ST6GALNAC5: variants seen among roughly 807,000 people sequenced by gnomAD.
The protein encoded by ST6GALNAC5 is alpha-N-acetylgalactosaminide alpha-2,6-sialyltransferase 5.
A neutral mutation model predicts 33.6 loss-of-function variants in ST6GALNAC5; 27 were observed. The observed-to-expected ratio is 0.80, with a 90% CI of 0.59 to 1.11. ST6GALNAC5 has a LOEUF of 1.11. Among genes scored for constraint, ST6GALNAC5 ranks in the 50% least tolerant of loss-of-function variants. The pLI is 0.00. For missense variants in ST6GALNAC5, 428 were observed against 454.0 expected, an observed-to-expected ratio of 0.94 and a Z score of 0.52; for synonymous variants, 194 against 171.2, an observed-to-expected ratio of 1.13 and a Z score of -1.04.
At chr1:77,010,729 A>G (rs742681) in intron 2 of ST6GALNAC5, among the ~76,000 whole-genome samples, 120,948 of 152,092 alleles carry the variant, frequency 0.8, 48,927 homozygotes, top group East Asian at 0.93. Context: ...GGACACCCCA[A>G]CACTCTGGAC....
At chr1:76,946,720 A>G (rs908131584) in intron 2 of ST6GALNAC5, among the ~76,000 whole-genome samples, 4 of 152,122 alleles carry the variant, frequency 2.6e-5, no homozygotes, top group African/African-American at 9.7e-5. Context: ...TAATTCACCT[A>G]AGAATTTAAA....
At chr1:76,923,326 G>C (rs772913622) in intron 2 of ST6GALNAC5, among the ~76,000 whole-genome samples, 1 of 151,594 alleles carries the variant, frequency 6.6e-6, no homozygotes, top group African/African-American at 2.4e-5. Flanking sequence ...AGAGAATGGA[G>C]ACTTACAGCC....
At chr1:77,059,046 A>G (rs747739236) in intron 4 of ST6GALNAC5, among the ~76,000 whole-genome samples, 2 of 152,224 alleles carry the variant, frequency 1.3e-5, no homozygotes, top group African/African-American at 4.8e-5. Context: ...TGTTGTTATG[A>G]TATGTATTAT....
At chr1:77,005,248 G>A (rs990745889) in intron 2 of ST6GALNAC5, among the ~76,000 whole-genome samples, 1 of 152,206 alleles carries the variant, frequency 6.6e-6, no homozygotes, top group Non-Finnish European at 1.5e-5. Flanking sequence ...GGAGTGACCC[G>A]ATTTTCCAGG....
At chr1:76,946,152 C>T (rs753994054) in intron 2 of ST6GALNAC5, among the ~76,000 whole-genome samples, 4 of 152,014 alleles carry the variant, frequency 2.6e-5, no homozygotes, top group Non-Finnish European at 5.9e-5. Flanking sequence ...GTATTTTCAG[C>T]ACACCTACCA....
At chr1:77,021,508 A>C (rs1557764312) in intron 2 of ST6GALNAC5, among the ~76,000 whole-genome samples, 1 of 152,126 alleles carries the variant, frequency 6.6e-6, no homozygotes, top group Non-Finnish European at 1.5e-5. Flanking sequence ...ACTTGATGTG[A>C]TATGTGTGTG....
chr1:76,896,868 A>G, intron 2 of ST6GALNAC5, among the ~76,000 whole-genome samples: 1 of 152,300 alleles, frequency 6.6e-6, no homozygotes, highest in African/African-American at 2.4e-5. Context: ...GCATGCAGAC[A>G]TGAGGGCTAG....
intron 2 of ST6GALNAC5, among the ~76,000 whole-genome samples, chr1:76,977,094 TC>T (rs1440962690): frequency 6.6e-6 from 1 of 152,176 alleles, no homozygotes; most frequent in Non-Finnish European, 1.5e-5. Context: ...TCTATATTAA[TC>T]TCTTTCTTCA....
chr1:76,872,923 G>A (rs994884319), intron 2 of ST6GALNAC5, among the ~76,000 whole-genome samples: 1 of 152,166 alleles, frequency 6.6e-6, no homozygotes, highest in African/African-American at 2.4e-5. Context: ...TTGCAATAAT[G>A]TAGTCACTTT....
intron 2 of ST6GALNAC5, among the ~76,000 whole-genome samples, chr1:76,924,638 C>T (rs1010170240): frequency 6.6e-6 from 1 of 151,536 alleles, no homozygotes; most frequent in Non-Finnish European, 1.5e-5. Context: ...ATATATGTAC[C>T]AAAGTTCCAT....
chr1:76,872,015 T>G (rs1312521452), intron 2 of ST6GALNAC5, among the ~76,000 whole-genome samples: 1 of 151,792 alleles, frequency 6.6e-6, no homozygotes, highest in Non-Finnish European at 1.5e-5. Context: ...CCAATTTTCA[T>G]GGCTTTGGGA....
At chr1:76,936,632 G>A (rs866998322) in intron 2 of ST6GALNAC5, among the ~76,000 whole-genome samples, 1 of 152,076 alleles carries the variant, frequency 6.6e-6, no homozygotes. Flanking sequence ...CTATGGCGTA[G>A]TTCCCTTTGT....
intron 2 of ST6GALNAC5, among the ~76,000 whole-genome samples, chr1:76,970,126 A>T (rs1311694204): frequency 1.3e-5 from 2 of 152,136 alleles, no homozygotes; most frequent in Non-Finnish European, 1.5e-5. Context: ...GAAAACTCTG[A>T]AAACCAGAGT....
intron 2 of ST6GALNAC5, among the ~76,000 whole-genome samples, chr1:76,933,755 T>C (rs1234583086): frequency 7.1e-6 from 1 of 140,892 alleles, no homozygotes; most frequent in Non-Finnish European, 1.5e-5. Context: ...GTCAATTCTT[T>C]TCTCTGCCAA....
At position 76,942,836 on chromosome 1, in the gene ST6GALNAC5, ATCCAGC is replaced by A. The variant is rs547423318; in HGVS notation, c.261+74096_261+74101del. ...CTCCACAGACATTTAGAACAGCTCTATCCAGCTGCATATCTAGACAGAACTTGACTC... is the reference window on the plus strand; with the variant it reads ...CTCCACAGACATTTAGAACAGCTCTATGCATATCTAGACAGAACTTGACTC... On this transcript the variant is annotated intron_variant, in intron 2 of 4. Transcript: ENST00000477717. Among the ~76,000 whole-genome samples, 9 of 152,206 alleles carry A rather than the reference ATCCAGC, an allele frequency of 5.9e-5. No individual in the cohort carries two copies. In the South Asian group the frequency reaches 1.9e-3, roughly 32 times the overall value.
intron 2 of ST6GALNAC5, among the ~76,000 whole-genome samples, chr1:76,875,392 G>A (rs1001633020): frequency 1.5e-4 from 23 of 152,094 alleles, no homozygotes; most frequent in Middle Eastern, 3.2e-3. Flanking sequence ...AGGATCTCCC[G>A]TATCCCATGC....
intron 2 of ST6GALNAC5, among the ~76,000 whole-genome samples, chr1:76,944,394 C>A (rs1428459114): frequency 6.6e-6 from 1 of 152,018 alleles, no homozygotes; most frequent in African/African-American, 2.4e-5. Flanking sequence ...TATGAAGTCA[C>A]AGGCCCAAGG....
Position 76,987,192 on chromosome 1 carries a change from CAA to C in ST6GALNAC5, c.262-57009_262-57008del, listed in dbSNP as rs1301812147. On this transcript the variant is annotated intron_variant, in intron 2 of 4. Transcript: ENST00000477717. ...TAATAAAAGCAAATAAACAAATAAA[CAA>C]AATCAATAATAAGAAAATTTTTAAA... 7.3e-5 allele frequency among the ~76,000 whole-genome samples: 11 copies of C among 151,470 alleles called. No individual in the cohort carries two copies. The East Asian group carries it at 2.1e-3, about 29-fold the overall frequency.
rs1483903002 is a variant in ST6GALNAC5 at position 77,067,033 on chromosome 1, G to A, written c.*3827G>A. On this transcript the variant is annotated 3_prime_UTR_variant, in exon 5 of 5. Coordinates refer to ENST00000477717, the MANE Select transcript of ST6GALNAC5 (RefSeq NM_030965.3). ...ATTATGGTTTGCCCAGGGCCAAGTG[G>A]GGAGTGAAGAAGAGGGGTCCCCAAG... 6.6e-6 allele frequency among the ~76,000 whole-genome samples: 1 copy of A among 152,184 alleles called. No homozygotes were observed. The highest frequency in any genetic ancestry group is 1.5e-5 in the Non-Finnish European group (1 of 68,036).
Sources: gnomAD v4.1 joint callset for allele counts (sites outside exome capture counted in the v4.1 genomes callset) on GRCh38, gnomAD v4.1.1 for gene constraint, MANE v1.5 for transcripts, NCBI Gene and HGNC (gene_info 2026-07-23, HGNC 2026-07-21) for gene names.